ARIH2: variants seen among roughly 807,000 people sequenced by gnomAD.
The protein encoded by ARIH2 is E3 ubiquitin-protein ligase ARIH2.
A neutral mutation model predicts 79.8 loss-of-function variants in ARIH2; 12 were observed. The ratio of observed to expected loss-of-function variants is 0.15; its 90% CI spans 0.10 to 0.24. ARIH2 has a LOEUF of 0.24. ARIH2 is among the 10% of genes least tolerant of loss of function. ARIH2 has a pLI of 1.00. For synonymous variants in ARIH2, 224 were observed against 213.9 expected, an observed-to-expected ratio of 1.05 and a Z score of -0.41; for missense variants, 301 against 618.3, an observed-to-expected ratio of 0.49 and a Z score of 5.44.
At chr3:48,930,130 C>T (rs2086172016) in intron 3 of ARIH2, among the ~76,000 whole-genome samples, 1 of 152,022 alleles carries the variant, frequency 6.6e-6, no homozygotes, top group Admixed American at 6.6e-5. Flanking sequence ...GGTTGTGGCT[C>T]TTTTGGTTGG....
rs189034140 is a variant in ARIH2, at chr3:48,948,584, C to T, written c.256-13028C>T. On this transcript the variant is annotated intron_variant, in intron 3 of 15. Coordinates refer to ENST00000356401, the MANE Select transcript of ARIH2 (RefSeq NM_006321.4). ...GATTACAGATGTGAGCCACCGCGCC[C>T]GGCCGAACTCATCCATTTTAAAGTG... 4.2e-4 allele frequency among the ~76,000 whole-genome samples: 64 copies of T among 152,270 alleles called. 1 individual carries two copies. The highest frequency in any genetic ancestry group is 1.0e-3 in the South Asian group (5 of 4,828).
intron 2 of ARIH2, among the ~76,000 whole-genome samples, chr3:48,926,079 G>A (rs2085551015): frequency 6.6e-6 from 1 of 152,168 alleles, no homozygotes; most frequent in African/African-American, 2.4e-5. Context: ...TGAAATGGTA[G>A]TTGTGTAGAA....
chr3:48,935,456 T>C (rs570300800), intron 3 of ARIH2, among the ~76,000 whole-genome samples: 13 of 152,358 alleles, frequency 8.5e-5, no homozygotes, highest in African/African-American at 2.9e-4. Flanking sequence ...AGTGAGTACC[T>C]ATGTATTACA....
intron 11 of ARIH2, among the ~76,000 whole-genome samples, chr3:48,976,592 C>T (rs1259623795): frequency 6.6e-6 from 1 of 152,176 alleles, no homozygotes; most frequent in Non-Finnish European, 1.5e-5. Context: ...GAAGATAGGC[C>T]ATGGGTAGTG....
At chr3:48,922,558 A>AT (rs1307818177) in intron 1 of ARIH2, 190 bp from the exon 2 acceptor site, 1 of 152,170 alleles carries the variant, frequency 6.6e-6, no homozygotes, top group African/African-American at 2.4e-5. Context: ...TTAGAAGGTC[A>AT]TGTAACTCTT....
At chr3:48,972,998 A>G (rs1020780557) in intron 8 of ARIH2, among the ~76,000 whole-genome samples, 1 of 152,226 alleles carries the variant, frequency 6.6e-6, no homozygotes, top group Non-Finnish European at 1.5e-5. Context: ...TACAAGCATG[A>G]ATCACTGCAC....
intron 2 of ARIH2, among the ~76,000 whole-genome samples, chr3:48,923,322 C>T (rs1000981343): frequency 5.9e-5 from 9 of 151,602 alleles, no homozygotes; most frequent in Non-Finnish European, 1.2e-4. Flanking sequence ...ATTGCTTGAA[C>T]CCGGAAGGCA....
chr3:48,969,963 T>C (rs1349335148), intron 7 of ARIH2, among the ~76,000 whole-genome samples: 1 of 150,542 alleles, frequency 6.6e-6, no homozygotes, highest in Non-Finnish European at 1.5e-5. Flanking sequence ...CGATCTCAGC[T>C]CAATGCAACC....
At chr3:48,939,053 T>A (rs1347780072) in intron 3 of ARIH2, among the ~76,000 whole-genome samples, 1 of 151,870 alleles carries the variant, frequency 6.6e-6, no homozygotes, top group Non-Finnish European at 1.5e-5. Flanking sequence ...CTGCAACCTC[T>A]GCTTCCCAGG....
intron 3 of ARIH2, chr3:48,945,019 A>G: frequency 1.2e-6 from 1 of 825,092 alleles, no homozygotes; most frequent in Non-Finnish European, 1.8e-6. Context: ...AAGTGATTGG[A>G]CCACGAAGTG....
intron 3 of ARIH2, among the ~76,000 whole-genome samples, chr3:48,953,889 C>T (rs903694671): frequency 3.3e-5 from 5 of 150,144 alleles, no homozygotes; most frequent in African/African-American, 9.8e-5. Flanking sequence ...TTTGGCTGGG[C>T]GTGGTGGCTC....
intron 9 of ARIH2, among the ~76,000 whole-genome samples, chr3:48,974,375 G>A (rs1249798276): frequency 1.3e-5 from 2 of 152,190 alleles, no homozygotes; most frequent in African/African-American, 4.8e-5. Flanking sequence ...GCTGCCTCAG[G>A]TTGCTGGCAT....
chr3:48,950,026 T>G (rs2089749541), intron 3 of ARIH2, among the ~76,000 whole-genome samples: 1 of 152,192 alleles, frequency 6.6e-6, no homozygotes, highest in Non-Finnish European at 1.5e-5. Context: ...AATTTTCTTC[T>G]GTGCTTTCTT....
At position 48,940,383 on chromosome 3, in the gene ARIH2, T is replaced by C. The variant is rs1000442850; in HGVS notation, c.255+12570T>C. On this transcript the variant is annotated intron_variant, in intron 3 of 15. Transcript: ENST00000356401. ...AAGATAGATAGATAGATTAGATAGA[T>C]AAAAAGAGAGAGAGAGAGCGCACAA... Among the ~76,000 whole-genome samples the C allele has an allele frequency of 4.6e-5, 7 of 151,380 alleles. 1 individual carries two copies. The highest frequency in any genetic ancestry group is 4.6e-4 in the Admixed American group (7 of 15,174).
At chr3:48,925,485 C>T (rs1219427540) in intron 2 of ARIH2, among the ~76,000 whole-genome samples, 3 of 151,138 alleles carry the variant, frequency 2.0e-5, no homozygotes, top group African/African-American at 4.9e-5. Flanking sequence ...GGATCTTGAC[C>T]TCCTGGCCTC....
chr3:48,952,147 G>C (rs1306747239), intron 3 of ARIH2, among the ~76,000 whole-genome samples: 1 of 152,114 alleles, frequency 6.6e-6, no homozygotes, highest in East Asian at 1.9e-4. Flanking sequence ...TTGTTATTCA[G>C]TTCAAAACAT....
At chr3:48,963,562 A>G (rs1191624453) in intron 4 of ARIH2, among the ~76,000 whole-genome samples, 1 of 152,196 alleles carries the variant, frequency 6.6e-6, no homozygotes, top group Non-Finnish European at 1.5e-5. Flanking sequence ...ATAAATGGAA[A>G]ATTATTGTAG....
Position 48,975,040 on chromosome 3 carries a change from A to G in ARIH2, c.961+61A>G, listed in dbSNP as rs2092426951. 23 of 1,613,862 alleles carry G rather than the reference A, an allele frequency of 1.4e-5. No individual in the cohort carries two copies. The South Asian group carries it at 2.5e-4, about 18-fold the overall frequency. On this transcript the variant is annotated intron_variant, in intron 11 of 15. Coordinates refer to ENST00000356401, the MANE Select transcript of ARIH2 (RefSeq NM_006321.4). The stretch of plus-strand genomic sequence containing the variant: ...ACTTTCTTGTGGTTGGGTCTCCGTT[A>G]CTATTTAAGTGAGTACTTCTGCCAT...
At chr3:48,953,291 A>G (rs923961884) in intron 3 of ARIH2, among the ~76,000 whole-genome samples, 1 of 152,260 alleles carries the variant, frequency 6.6e-6, no homozygotes, top group Non-Finnish European at 1.5e-5. Flanking sequence ...ATTATGAGCC[A>G]AACTGAATTA....
Sources: gnomAD v4.1 joint callset for allele counts (sites outside exome capture counted in the v4.1 genomes callset) on GRCh38, gnomAD v4.1.1 for gene constraint, MANE v1.5 for transcripts, NCBI Gene and HGNC (gene_info 2026-07-23, HGNC 2026-07-21) for gene names.